The following FREM1 variants were observed in gnomAD, a reference collection of about 807,000 sequenced individuals.
FREM1 encodes FRAS1 related extracellular matrix 1, also known as FRAS1-related extracellular matrix protein 1.
In FREM1, 220 loss-of-function variants were observed where a neutral mutation model predicts 210.1. The observed-to-expected ratio is 1.05, with a 90% CI of 0.94 to 1.17. The LOEUF is 1.17. Among genes scored for constraint, FREM1 ranks in the 50% most tolerant of loss-of-function variants. FREM1 has a pLI of 0.00. For missense variants in FREM1, 3,454 were observed against 2,675.5 expected (o/e 1.29, Z -6.42); for synonymous variants, 1,189 against 980.2 (o/e 1.21, Z -3.98).
chr9:14,792,116 T>TA lies in FREM1; in HGVS notation c.3981+626_3981+627insT, dbSNP rs1441183503. Among the ~76,000 whole-genome samples, 6 of 152,286 alleles carry TA rather than the reference T, an allele frequency of 3.9e-5. No homozygotes were observed. In the East Asian group the frequency reaches 1.2e-3, roughly 29 times the overall value. On this transcript the variant is annotated intron_variant, in intron 22 of 36. Transcript: ENST00000380880. ...CCTTGGCCTCCCAAAGTGCTGGGAT[T>TA]CAGATAATGTTTTAACAGAGACATT... is the stretch of plus-strand genomic sequence containing the variant.
At chr9:14,880,596 T>C (rs1834614363) in intron 1 of FREM1, among the ~76,000 whole-genome samples, 1 of 122,912 alleles carries the variant, frequency 8.1e-6, no homozygotes, top group Non-Finnish European at 1.6e-5. Flanking sequence ...AGAGTGAGAC[T>C]GTCTCAAAAA....
chr9:14,824,160 G>T, intron 11 of FREM1, 45 bp from the exon 12 acceptor site: 1 of 1,234,750 alleles, frequency 8.1e-7, no homozygotes, highest in Non-Finnish European at 1.2e-6. Flanking sequence ...TTTTAGGTAA[G>T]AAAAATGAAA....
At chr9:14,899,623 A>C (rs1268400977) in intron 1 of FREM1, among the ~76,000 whole-genome samples, 3 of 152,252 alleles carry the variant, frequency 2.0e-5, no homozygotes, top group African/African-American at 4.8e-5. Context: ...ACATTTTAAA[A>C]GTGAAACCAG....
chr9:14,891,997 T>C (rs556513902), intron 1 of FREM1, among the ~76,000 whole-genome samples: 2 of 152,314 alleles, frequency 1.3e-5, no homozygotes, highest in South Asian at 4.1e-4. Context: ...TTTATTCCTT[T>C]ACTTTCTTAA....
chr9:14,794,206 AG>A lies in FREM1; in HGVS notation c.3840-1323del, dbSNP rs1476907193. Among the ~76,000 whole-genome samples the A allele has an allele frequency of 2.6e-5, 4 of 152,162 alleles. No individual in the cohort carries two copies. The East Asian group carries it at 7.7e-4, about 29-fold the overall frequency. On this transcript the variant is annotated intron_variant, in intron 21 of 36. Coordinates refer to ENST00000380880, the MANE Select transcript of FREM1 (RefSeq NM_001379081.2). ...AATTTATTTGTGAAGTGATTCCAGG[AG>A]GCAGGAGAGAGGGAGTAGGAGAGAA...
chr9:14,789,658 C>G (rs977821264), intron 22 of FREM1, among the ~76,000 whole-genome samples: 1 of 152,196 alleles, frequency 6.6e-6, no homozygotes, highest in Non-Finnish European at 1.5e-5. Flanking sequence ...GGATCACTAT[C>G]ACTACCTACA....
At chr9:14,861,028 T>C (rs760074851) in intron 3 of FREM1, among the ~76,000 whole-genome samples, 6,144 of 63,524 alleles carry the variant, frequency 0.097, 558 homozygotes, top group Non-Finnish European at 0.12. Context: ...TACACATATA[T>C]ACATATATAC....
At chr9:14,909,661 C>T (rs1282539922) in intron 1 of FREM1, among the ~76,000 whole-genome samples, 3 of 152,182 alleles carry the variant, frequency 2.0e-5, no homozygotes, top group South Asian at 4.1e-4. Flanking sequence ...AGTGCCAGCA[C>T]GGATGGACTG....
chr9:14,908,800 C>A (rs151307319), intron 1 of FREM1, among the ~76,000 whole-genome samples: 52 of 152,338 alleles, frequency 3.4e-4, no homozygotes, highest in African/African-American at 1.2e-3. Context: ...CCTGGCACCA[C>A]TCCAGGTCTA....
chr9:14,847,479 C>T (rs1435832794), intron 7 of FREM1, among the ~76,000 whole-genome samples: 1 of 140,720 alleles, frequency 7.1e-6, no homozygotes, highest in Non-Finnish European at 1.6e-5. Flanking sequence ...AAGAAATGGA[C>T]AGAAGTGCAT....
Position 14,816,807 on chromosome 9 carries a change from T to G in FREM1, c.2611A>C (p.Asn871His), listed in dbSNP as rs1820389022. Residue 871 changes from asparagine (N) to histidine (H), a missense_variant, in exon 15 of 37, where the codon AAT (asparagine) becomes CAT (histidine). By Grantham distance (68) the Asn-to-His change is moderately conservative (BLOSUM62 1). Transcript: ENST00000380880. Reference sequence around the variant, plus strand: ...ACATGTAGTACAAATTCTGCTGAATTTGTGCCATCGGTGACCTCCAAGAGT... The same window carrying G: ...ACATGTAGTACAAATTCTGCTGAATGTGTGCCATCGGTGACCTCCAAGAGT... ...DLLLEVTDGT[N>H]SAEFVLHVEV... The G allele has an allele frequency of 3.5e-6, 5 of 1,438,964 alleles. No homozygotes were observed. In the East Asian group the frequency reaches 1.2e-4, roughly 35 times the overall value. The allele number at this position is 1,438,964 out of a possible 1,614,324, so 89.1% of individuals were successfully genotyped here.
At chr9:14,838,537 GCACA>G (rs1825051762) in intron 10 of FREM1, among the ~76,000 whole-genome samples, 1 of 151,858 alleles carries the variant, frequency 6.6e-6, no homozygotes, top group Non-Finnish European at 1.5e-5. Flanking sequence ...TCATTGGCAT[GCACA>G]CACTTATTTC....
rs115772779 is a variant in FREM1 at position 14,909,805 on chromosome 9, T to C, written c.-268+109A>G. 4.0e-3 allele frequency: 612 copies of C among 152,352 alleles called. 5 individuals carry two copies. Among genetic ancestry groups the C allele is most frequent in the African/African-American group, 0.014 (591 of 41,586 alleles). 9.4% of individuals were successfully genotyped at this position (152,352 alleles called of 1,614,324 possible). A position where few individuals can be genotyped will look rare whatever the true frequency, so the allele number is the denominator to read the frequency against. ...TTGCAAGCCTACTCTTGCAGATGCT[T>C]TGCATTGTTACTTGGCATTAATGAT... On this transcript the variant is annotated intron_variant, in intron 1 of 36. Transcript: ENST00000380880.
chr9:14,843,133 G>A (rs1009444029), intron 8 of FREM1, among the ~76,000 whole-genome samples: 1 of 152,178 alleles, frequency 6.6e-6, no homozygotes, highest in Admixed American at 6.5e-5. Flanking sequence ...GAAGAGGAAA[G>A]GGGAATGCTC....
intron 27 of FREM1, among the ~76,000 whole-genome samples, chr9:14,769,345 G>A (rs1329357732): frequency 6.6e-6 from 1 of 152,146 alleles, no homozygotes; most frequent in Non-Finnish European, 1.5e-5. Flanking sequence ...TATTTTAGAA[G>A]GCTATAGTTG....
chr9:14,838,752 T>G (rs188881541), intron 10 of FREM1, among the ~76,000 whole-genome samples: 70 of 152,168 alleles, frequency 4.6e-4, no homozygotes, highest in Admixed American at 4.4e-3. Context: ...AATGAATAAT[T>G]CCGGGTCCCT....
At chr9:14,776,890 A>G (rs946847138) in intron 24 of FREM1, among the ~76,000 whole-genome samples, 1 of 152,220 alleles carries the variant, frequency 6.6e-6, no homozygotes, top group Non-Finnish European at 1.5e-5. Flanking sequence ...TATGGTTTAC[A>G]TGTGCTTCTG....
At chr9:14,827,955 C>T (rs935167067) in intron 10 of FREM1, among the ~76,000 whole-genome samples, 4 of 152,212 alleles carry the variant, frequency 2.6e-5, no homozygotes, top group African/African-American at 9.6e-5. Context: ...GTGCAGAGTG[C>T]AAGAGCTGTG....
intron 22 of FREM1, among the ~76,000 whole-genome samples, chr9:14,792,251 T>C (rs548489583): frequency 2.2e-4 from 29 of 129,788 alleles, no homozygotes; most frequent in South Asian, 2.0e-3. Context: ...TTAGCTGAAA[T>C]ACACACACCC....
Sources: gnomAD v4.1 joint callset for allele counts (sites outside exome capture counted in the v4.1 genomes callset) on GRCh38, gnomAD v4.1.1 for gene constraint, MANE v1.5 for transcripts, NCBI Gene and HGNC (gene_info 2026-07-23, HGNC 2026-07-21) for gene names.